KCNC2: variants seen among roughly 807,000 people sequenced by gnomAD.
KCNC2 encodes voltage-gated potassium channel KCNC2.
In KCNC2, 21 loss-of-function variants were observed where a neutral mutation model predicts 44.5. The observed-to-expected ratio is 0.47, with a 90% CI of 0.33 to 0.68. KCNC2 has a LOEUF of 0.68. Among genes scored for constraint, KCNC2 ranks in the 30% least tolerant of loss-of-function variants. The pLI is 0.01. For missense variants in KCNC2, 589 were observed against 826.2 expected, an observed-to-expected ratio of 0.71 and a Z score of 3.52; for synonymous variants, 391 against 339.1, an observed-to-expected ratio of 1.15 and a Z score of -1.68.
intron 2 of KCNC2, among the ~76,000 whole-genome samples, chr12:75,145,588 A>T (rs576758798): frequency 6.6e-6 from 1 of 152,140 alleles, no homozygotes; most frequent in South Asian, 2.1e-4. Context: ...TTCCTTGATC[A>T]TCATCTGTCA....
chr12:75,143,209 C>T (rs1008600870), intron 2 of KCNC2, among the ~76,000 whole-genome samples: 1 of 152,178 alleles, frequency 6.6e-6, no homozygotes, highest in Non-Finnish European at 1.5e-5. Flanking sequence ...TCACTTCCCT[C>T]ATCTACGAAG....
chr12:75,172,432 A>T (rs1891893080), intron 2 of KCNC2, among the ~76,000 whole-genome samples: 1 of 151,650 alleles, frequency 6.6e-6, no homozygotes, highest in Non-Finnish European at 1.5e-5. Context: ...CATGGCACAC[A>T]TTTACCTATG....
intron 2 of KCNC2, among the ~76,000 whole-genome samples, chr12:75,059,258 T>C (rs1026354487): frequency 2.0e-5 from 3 of 152,142 alleles, no homozygotes; most frequent in African/African-American, 7.2e-5. Context: ...GTTAACTATA[T>C]CAACTGCTTT....
intron 2 of KCNC2, among the ~76,000 whole-genome samples, chr12:75,070,682 A>G (rs1486925262): frequency 6.6e-6 from 1 of 151,894 alleles, no homozygotes; most frequent in Non-Finnish European, 1.5e-5. Flanking sequence ...TTTTATAAAC[A>G]TATAAATGCA....
chr12:75,170,346 CA>C (rs1033226429), intron 2 of KCNC2, among the ~76,000 whole-genome samples: 2 of 151,610 alleles, frequency 1.3e-5, no homozygotes, highest in African/African-American at 4.8e-5. Flanking sequence ...GATGCTTTTT[CA>C]AATGTACCAA....
chr12:75,204,111 T>C (rs995117363), intron 2 of KCNC2, among the ~76,000 whole-genome samples: 6 of 151,950 alleles, frequency 3.9e-5, no homozygotes, highest in Non-Finnish European at 4.4e-5. Flanking sequence ...CTGATCTCGT[T>C]TTCTCCACAA....
chr12:75,151,434 C>T (rs184992937), intron 2 of KCNC2, among the ~76,000 whole-genome samples: 18 of 152,028 alleles, frequency 1.2e-4, no homozygotes, highest in African/African-American at 4.3e-4. Flanking sequence ...GAAAAAAATG[C>T]AAATCCTCTT....
intron 2 of KCNC2, among the ~76,000 whole-genome samples, chr12:75,086,671 A>ATATATATATATATATATATATATATAT (rs1169816045): frequency 1.1e-5 from 1 of 89,394 alleles, no homozygotes; most frequent in African/African-American, 4.9e-5. Flanking sequence ...AAAAAAAAAA[A>ATATATATATATATATATATATATATAT]AAAAAAAAAA....
At chr12:75,094,748 A>C (rs1223087370) in intron 2 of KCNC2, among the ~76,000 whole-genome samples, 2 of 151,728 alleles carry the variant, frequency 1.3e-5, no homozygotes, top group Non-Finnish European at 3.0e-5. Context: ...AATTAGCTAC[A>C]TCTGTCCTCA....
intron 2 of KCNC2, among the ~76,000 whole-genome samples, chr12:75,176,600 C>T (rs1892201068): frequency 6.6e-6 from 1 of 151,980 alleles, no homozygotes; most frequent in East Asian, 1.9e-4. Flanking sequence ...TGGTTCTTCT[C>T]TCCACCTGAA....
chr12:75,050,758 C>G lies in KCNC2; in HGVS notation c.1247G>C (p.Ser416Thr), dbSNP rs1198461598. The stretch of plus-strand genomic sequence containing the variant: ...AATGTTTTTGAACTGTGTGTGCTCA[C>G]TAGCTGAAGGGTCGTTAGGTTGAGC... ...VGAQPNDPSA[S>T]EHTQFKNIPI... The change falls in exon 3 of 5, where the codon AGT becomes ACT. Residue 416 changes from serine (S) to threonine (T), a missense_variant. This residue lies in a region of KCNC2 where 67 missense variants were observed against 237.4 expected (regional missense o/e 0.28). Transcript: ENST00000549446. 1.2e-6 allele frequency: 2 copies of G among 1,613,512 alleles called. No homozygotes were observed.
intron 2 of KCNC2, among the ~76,000 whole-genome samples, chr12:75,168,071 C>T (rs1276258849): frequency 6.6e-6 from 1 of 151,198 alleles, no homozygotes; most frequent in Non-Finnish European, 1.5e-5. Flanking sequence ...AATGTCTAAT[C>T]TCATCTTGCT....
chr12:75,074,374 G>C (rs1883718685), intron 2 of KCNC2, among the ~76,000 whole-genome samples: 1 of 151,662 alleles, frequency 6.6e-6, no homozygotes, highest in Non-Finnish European at 1.5e-5. Context: ...GAAGAGGGTA[G>C]AAGAAAACGG....
chr12:75,169,431 G>A (rs762874785), intron 2 of KCNC2, among the ~76,000 whole-genome samples: 2 of 151,468 alleles, frequency 1.3e-5, no homozygotes, highest in African/African-American at 4.8e-5. Context: ...TGTCATTTAA[G>A]TGTGCAAAAT....
At chr12:75,206,484 A>G (rs1425295357) in intron 2 of KCNC2, among the ~76,000 whole-genome samples, 1 of 152,226 alleles carries the variant, frequency 6.6e-6, no homozygotes, top group African/African-American at 2.4e-5. Flanking sequence ...GAAAAAGAAC[A>G]CTGAGGCTGA....
At chr12:75,118,343 G>A (rs1159846011) in intron 2 of KCNC2, among the ~76,000 whole-genome samples, 1 of 151,992 alleles carries the variant, frequency 6.6e-6, no homozygotes, top group Non-Finnish European at 1.5e-5. Context: ...ACAGATAATA[G>A]CAGGTAAACA....
At chr12:75,166,649 A>G (rs571534166) in intron 2 of KCNC2, among the ~76,000 whole-genome samples, 3 of 151,430 alleles carry the variant, frequency 2.0e-5, no homozygotes, top group South Asian at 4.1e-4. Context: ...GAAGTGTACA[A>G]TAGAGGCAAA....
At chr12:75,188,633 G>T (rs988034723) in intron 2 of KCNC2, among the ~76,000 whole-genome samples, 4 of 151,600 alleles carry the variant, frequency 2.6e-5, no homozygotes, top group Non-Finnish European at 5.9e-5. Flanking sequence ...AGGCTGAGGC[G>T]GGTGGATCAC....
At chr12:75,187,731 C>T (rs899252896) in intron 2 of KCNC2, among the ~76,000 whole-genome samples, 1 of 152,138 alleles carries the variant, frequency 6.6e-6, no homozygotes, top group Non-Finnish European at 1.5e-5. Flanking sequence ...TCACAAGTCA[C>T]ACCATAAATA....
Sources: allele counts gnomAD v4.1 joint callset (sites outside exome capture counted in the v4.1 genomes callset), GRCh38; gene constraint gnomAD v4.1.1; regional missense constraint gnomAD v4.1.1; transcripts MANE v1.5; gene names NCBI Gene and HGNC (gene_info 2026-07-23, HGNC 2026-07-21).